ZFAT: variants seen among roughly 807,000 people sequenced by gnomAD.
ZFAT encodes the protein zinc finger protein ZFAT.
A neutral mutation model predicts 117.7 loss-of-function variants in ZFAT; 64 were observed. The ratio of observed to expected loss-of-function variants is 0.54; its 90% confidence interval spans 0.44 to 0.67. ZFAT has a LOEUF of 0.67. ZFAT is among the 30% of genes least tolerant of loss of function. ZFAT has a pLI of 0.00. For synonymous variants in ZFAT, 679 were observed against 615.0 expected, an observed-to-expected ratio of 1.10 and a Z score of -1.54; for missense variants, 1,433 against 1,584.5, an observed-to-expected ratio of 0.90 and a Z score of 1.62.
intron 1 of ZFAT, among the ~76,000 whole-genome samples, chr8:134,664,750 A>C (rs1454565476): frequency 6.6e-6 from 1 of 152,274 alleles, no homozygotes; most frequent in African/African-American, 2.4e-5. Flanking sequence ...TATGAAAAAA[A>C]TATATCTTGC....
the ZFAT span, among the ~76,000 whole-genome samples, chr8:134,787,357 T>G: frequency 6.6e-6 from 1 of 152,228 alleles, no homozygotes; most frequent in African/African-American, 2.4e-5. Context: ...ATATATATGG[T>G]ATCAAGGAAG....
intron 1 of ZFAT, among the ~76,000 whole-genome samples, chr8:134,706,061 G>A (rs1834144119): frequency 6.6e-6 from 1 of 152,126 alleles, no homozygotes; most frequent in Admixed American, 6.6e-5. Context: ...CGTTGCTGAT[G>A]GGAATGTAAA....
chr8:134,555,305 T>G (rs1823490126), intron 11 of ZFAT, among the ~76,000 whole-genome samples: 1 of 152,216 alleles, frequency 6.6e-6, no homozygotes, highest in South Asian at 2.1e-4. Flanking sequence ...CTGCCTAGCA[T>G]GTACCAAAAT....
At chr8:134,490,319 C>G (rs180998722) in intron 15 of ZFAT, among the ~76,000 whole-genome samples, 1 of 152,220 alleles carries the variant, frequency 6.6e-6, no homozygotes, top group African/African-American at 2.4e-5. Flanking sequence ...AAAAGAGGGA[C>G]AAAGTCCCAT....
intron 5 of ZFAT, among the ~76,000 whole-genome samples, chr8:134,605,297 A>G (rs971490356): frequency 2.6e-5 from 4 of 152,250 alleles, no homozygotes; most frequent in African/African-American, 9.6e-5. Context: ...CTGTAATCCC[A>G]GCACTTTGGG....
the ZFAT span, among the ~76,000 whole-genome samples, chr8:134,802,294 C>T: frequency 1.3e-5 from 2 of 152,074 alleles, no homozygotes; most frequent in Non-Finnish European, 2.9e-5. Context: ...AAAAAAGAAA[C>T]AAAAATATTA....
intron 15 of ZFAT, among the ~76,000 whole-genome samples, chr8:134,481,216 A>T (rs985726004): frequency 6.6e-6 from 1 of 152,172 alleles, no homozygotes; most frequent in Non-Finnish European, 1.5e-5. Flanking sequence ...CTGACAGAAG[A>T]CTGGGAAAGG....
the ZFAT span, among the ~76,000 whole-genome samples, chr8:134,774,593 T>C: frequency 1.3e-5 from 2 of 152,246 alleles, no homozygotes; most frequent in Non-Finnish European, 2.9e-5. Flanking sequence ...TTTTTAGGTA[T>C]AATGTTACTG....
At chr8:134,661,068 C>T (rs1013903837) in intron 1 of ZFAT, among the ~76,000 whole-genome samples, 1 of 152,234 alleles carries the variant, frequency 6.6e-6, no homozygotes, top group Non-Finnish European at 1.5e-5. Flanking sequence ...GGCTCCGCCA[C>T]GTGACGTGGG....
the ZFAT span, among the ~76,000 whole-genome samples, chr8:134,754,084 A>G: frequency 1.3e-5 from 2 of 152,248 alleles, no homozygotes; most frequent in African/African-American, 4.8e-5. Context: ...AATGAAGCCC[A>G]GAACAATGGT....
At chr8:134,793,272 T>G in the ZFAT span, 1 of 152,210 alleles carries the variant, frequency 6.6e-6, no homozygotes, top group Non-Finnish European at 1.5e-5. Flanking sequence ...TAGCACTAGT[T>G]GATAGCAATT....
chr8:134,583,921 G>C lies in ZFAT; in HGVS notation c.2798C>G (p.Thr933Ser). The part of the protein sequence containing the change: ...NLKAHMNRHS[T>S]EKTHLCDMCG... ...CATGTCACATAGGTGGGTTTTCTCA[G>C]TGCTGTGACGATTCATATGAGCCTT... The change falls in exon 10 of 16, where the codon ACT (threonine) becomes AGT (serine). Residue 933 changes from threonine to serine, a missense_variant. Physicochemically the swap from Thr to Ser is moderately conservative, Grantham distance 58. Around this residue, in one of 5 missense-constraint regions of ZFAT, gnomAD observed 503 missense variants for 543.4 expected, o/e 0.93. Coordinates refer to ENST00000377838, the MANE Select transcript of ZFAT (RefSeq NM_020863.4). The C allele has an allele frequency of 6.2e-7, 1 of 1,604,116 alleles. No individual in the cohort carries two copies. The highest frequency in any genetic ancestry group is 8.5e-7 in the Non-Finnish European group (1 of 1,174,818).
the ZFAT span, among the ~76,000 whole-genome samples, chr8:134,759,628 T>C: frequency 6.6e-6 from 1 of 151,378 alleles, no homozygotes; most frequent in South Asian, 2.1e-4. Context: ...AGAAACAAAC[T>C]GAAGAGTTTC....
At chr8:134,615,525 A>T (rs1828655427) in intron 3 of ZFAT, among the ~76,000 whole-genome samples, 1 of 152,098 alleles carries the variant, frequency 6.6e-6, no homozygotes, top group East Asian at 1.9e-4. Flanking sequence ...CCCACTACCT[A>T]GAGCAGGGAC....
chr8:134,484,188 ATCCACCTC>A (rs1817510810), intron 15 of ZFAT, among the ~76,000 whole-genome samples: 2 of 152,112 alleles, frequency 1.3e-5, no homozygotes, highest in Admixed American at 1.3e-4. Context: ...GGCTATTACA[ATCCACCTC>A]TGCACAGATC....
chr8:134,516,804 T>C lies in ZFAT; in HGVS notation c.3234+4079A>G, dbSNP rs75897098. Among the ~76,000 whole-genome samples, 505 of 152,148 alleles carry C rather than the reference T, an allele frequency of 3.3e-3. 2 individuals are homozygous for C. The highest frequency in any genetic ancestry group is 0.011 in the African/African-American group (476 of 41,514). ...CCAGGAGTTCCAGGTTGCAGTGAGCTATGAAGGGAGGCTCCATGGCATGCC... is the reference window on the plus strand; with the variant it reads ...CCAGGAGTTCCAGGTTGCAGTGAGCCATGAAGGGAGGCTCCATGGCATGCC... On this transcript the variant is annotated intron_variant, in intron 13 of 15. Coordinates refer to ENST00000377838, the MANE Select transcript of ZFAT (RefSeq NM_020863.4).
At chr8:134,831,930 C>T in the ZFAT span, among the ~76,000 whole-genome samples, 1 of 151,608 alleles carries the variant, frequency 6.6e-6, no homozygotes, top group African/African-American at 2.4e-5. Flanking sequence ...GGGGGCTGAG[C>T]GCCCGGTGTC....
chr8:134,638,560 C>CAAA (rs1563711719), intron 2 of ZFAT, among the ~76,000 whole-genome samples: 1 of 63,016 alleles, frequency 1.6e-5, no homozygotes, highest in African/African-American at 7.6e-5. Context: ...AAAAAAAAAA[C>CAAA]AAAACAAAAA....
In ZFAT at chr8:134,590,429, T is replaced by G. The variant is rs79980716; in HGVS notation, c.2476-74A>C. ...GGTCTGTAAAAAATAACCATCATCA[T>G]CACCATCATCACCCACCACCACCAC... On this transcript the variant is annotated intron_variant, in intron 7 of 15. Transcript: ENST00000377838. 57 of 1,151,670 alleles carry G rather than the reference T, an allele frequency of 4.9e-5. No homozygotes were observed. In the African/African-American group the frequency reaches 8.6e-4, roughly 17 times the overall value. 71.3% of individuals were successfully genotyped at this position (1,151,670 alleles called of 1,614,324 possible). A position where few individuals can be genotyped will look rare whatever the true frequency, so the allele number is the denominator to read the frequency against.
Sources: allele counts gnomAD v4.1 joint callset (sites outside exome capture counted in the v4.1 genomes callset), GRCh38; gene constraint gnomAD v4.1.1; regional missense constraint gnomAD v4.1.1; transcripts MANE v1.5; gene names NCBI Gene and HGNC (gene_info 2026-07-23, HGNC 2026-07-21).